The following MCM3 variants were observed in gnomAD, a reference collection of about 807,000 sequenced individuals.
MCM3 encodes the protein DNA replication licensing factor MCM3.
Under a neutral mutation model 91.3 loss-of-function variants are expected in MCM3, and 59 were observed. That is an observed-to-expected ratio of 0.65 (90% confidence interval 0.52 to 0.80). The LOEUF (loss-of-function observed/expected upper bound fraction) is 0.80, where lower values mean the gene tolerates loss of function less well. MCM3 is among the 30% of genes least tolerant of loss of function. The pLI, the probability that MCM3 is intolerant of heterozygous loss-of-function variation, is 0.00. For missense variants in MCM3, 919 were observed against 1,035.4 expected (o/e 0.89, Z 1.54); for synonymous variants, 383 against 379.6 (o/e 1.01, Z -0.10).
At chr6:52,276,827 C>G (rs1344070230) in intron 8 of MCM3, among the ~76,000 whole-genome samples, 1 of 152,220 alleles carries the variant, frequency 6.6e-6, no homozygotes, top group Non-Finnish European at 1.5e-5. Flanking sequence ...ATAGTACAAT[C>G]TTCATTTTTA....
Position 52,273,342 on chromosome 6 carries a change from T to C in MCM3, c.1564A>G (p.Ser522Gly), listed in dbSNP as rs1765289623. 6.2e-7 allele frequency: 1 copy of C among 1,614,188 alleles called. No individual in the cohort carries two copies. ...TCTGTGGCCAGGATATCCACAGCAC[T>C]ACCCAAGGGCATAGCTGGTATACCC... ...EQDGDAMPLG[S>G]AVDILATDDP... Residue 522 changes from serine (S) to glycine (G), a missense_variant, in exon 11 of 17, where the codon AGT becomes GGT. By Grantham distance (56) the Ser-to-Gly change is moderately conservative. Around this residue, in one of 3 missense-constraint regions of MCM3, gnomAD observed 233 missense variants for 321.2 expected, o/e 0.73. Coordinates refer to ENST00000596288, the MANE Select transcript of MCM3 (RefSeq NM_002388.6).
Position 52,276,248 on chromosome 6 carries a change from T to C in MCM3, c.1374+20A>G. 6.3e-7 allele frequency: 1 copy of C among 1,598,002 alleles called. No individual in the cohort carries two copies. On this transcript the variant is annotated intron_variant, in intron 9 of 16. Transcript: ENST00000596288. ...ACCAAATGAAGGTGAGGACAATGGTTGGGGCCTGATTCCACTTACCCTGCC... is the reference window on the plus strand; with the variant it reads ...ACCAAATGAAGGTGAGGACAATGGTCGGGGCCTGATTCCACTTACCCTGCC...
At chr6:52,268,383 G>A (rs1160683071) in intron 13 of MCM3, among the ~76,000 whole-genome samples, 3 of 152,170 alleles carry the variant, frequency 2.0e-5, no homozygotes, top group African/African-American at 7.2e-5. Flanking sequence ...GCGAGGAAGA[G>A]TTTATCAGAC....
intron 2 of MCM3, 42 bp downstream of exon 2, chr6:52,283,252 A>T (rs543581790): frequency 1.5e-5 from 22 of 1,515,412 alleles, no homozygotes; most frequent in Non-Finnish European, 2.0e-5. Flanking sequence ...GAGGGAAGGG[A>T]GCCATTCTCA....
intron 12 of MCM3, among the ~76,000 whole-genome samples, chr6:52,271,959 C>T (rs923131433): frequency 6.6e-6 from 1 of 152,172 alleles, no homozygotes; most frequent in East Asian, 1.9e-4. Flanking sequence ...TGTGCTTCCC[C>T]CGCTCCGGAT....
At position 52,279,623 on chromosome 6, in the gene MCM3, C is replaced by T. The variant is rs201155729; in HGVS notation, c.532-24G>A. The T allele has an allele frequency of 1.7e-3, 2,594 of 1,548,862 alleles. 5 individuals are homozygous for T. Among genetic ancestry groups the T allele is most frequent in the Non-Finnish European group, 2.2e-3 (2,447 of 1,125,256 alleles). ...TCCTAGAAAAAGGCACACAGAGGGACAGAGTGATCTCCGTCCTGTCTTAAA... is the reference window on the plus strand; with the variant it reads ...TCCTAGAAAAAGGCACACAGAGGGATAGAGTGATCTCCGTCCTGTCTTAAA... On this transcript the variant is annotated intron_variant, in intron 4 of 16. Coordinates refer to ENST00000596288, the MANE Select transcript of MCM3 (RefSeq NM_002388.6).
At position 52,272,307 on chromosome 6, in the gene MCM3, G is replaced by T; in HGVS notation, c.1821C>A (p.Thr607=). The change falls in exon 12 of 17, where the codon ACC becomes ACA. Residue 607 remains threonine, a synonymous_variant. Transcript: ENST00000596288. ...GGCTCCCCCAGGCACTCACCCTGGC[G>T]GTGTCTGAGCTCATGCTATCCTGGC... The part of the protein sequence containing the change: ...LRSQDSMSSD[T]ARTSPVTART... 2 of 1,614,022 alleles carry T rather than the reference G, an allele frequency of 1.2e-6. No homozygotes were observed. Among genetic ancestry groups the T allele is most frequent in the Non-Finnish European group, 1.7e-6 (2 of 1,179,964 alleles).
At position 52,281,154 on chromosome 6, in the gene MCM3, A is replaced by G. The variant is rs988185304; in HGVS notation, c.531+891T>C. ...CAGAGGAAAACCTTGCATTGTCCTC[A>G]ATCCAGATCAATCTGAACACCAAGA... On this transcript the variant is annotated intron_variant, in intron 4 of 16. Coordinates refer to ENST00000596288, the MANE Select transcript of MCM3 (RefSeq NM_002388.6). Among the ~76,000 whole-genome samples, 5 of 152,344 alleles carry G rather than the reference A, an allele frequency of 3.3e-5. 1 individual carries two copies. The highest frequency in any genetic ancestry group is 7.3e-5 in the Non-Finnish European group (5 of 68,028).
Position 52,273,227 on chromosome 6 carries a change from C to T in MCM3, c.1676+3G>A. 3 of 1,614,126 alleles carry T rather than the reference C, an allele frequency of 1.9e-6. No homozygotes were observed. The highest frequency in any genetic ancestry group is 2.5e-6 in the Non-Finnish European group (3 of 1,179,990). Reference sequence around the variant, plus strand: ...CTTGAGGAAGAGTTATGAGAATGCTCACTTTTTCTTCTTGGTCCCATGTAG... The same window carrying T: ...CTTGAGGAAGAGTTATGAGAATGCTTACTTTTTCTTCTTGGTCCCATGTAG... On this transcript the variant is annotated splice_donor_region_variant and intron_variant, in intron 11 of 16. Transcript: ENST00000596288.
rs866121209 is a variant in MCM3 at position 52,269,187 on chromosome 6, G to A, written c.1867C>T (p.Arg623Ter). ...GCCTTCGCATGGGCTGTGGCCAGTC[G>A]AATCAGAGTTTCCAGTGTTCGGGCT... ...VTARTLETLI[R>*]LATAHAKARM... The change falls in exon 13 of 17, where the codon CGA becomes TGA. Residue 623 changes from arginine to a stop codon, truncating the protein, a stop_gained. Coordinates refer to ENST00000596288, the MANE Select transcript of MCM3 (RefSeq NM_002388.6). LOFTEE classifies it high-confidence loss of function. 5.6e-6 allele frequency: 9 copies of A among 1,613,360 alleles called. No homozygotes were observed. Among genetic ancestry groups the A allele is most frequent in the South Asian group, 3.3e-5 (3 of 91,014 alleles).
chr6:52,280,926 C>A (rs555322108), intron 4 of MCM3, among the ~76,000 whole-genome samples: 1 of 152,174 alleles, frequency 6.6e-6, no homozygotes, highest in Non-Finnish European at 1.5e-5. Flanking sequence ...GATATTCATT[C>A]GTTTTTGTTT....
chr6:52,276,950 T>TA, intron 8 of MCM3, 117 bp downstream of exon 8: 2 of 1,248,784 alleles, frequency 1.6e-6, no homozygotes, highest in Non-Finnish European at 2.2e-6. Flanking sequence ...CTCAGTCCTC[T>TA]ATAATCTGGA....
chr6:52,273,995 G>T, intron 9 of MCM3, 79 bp from the exon 10 acceptor site: 1 of 1,200,758 alleles, frequency 8.3e-7, no homozygotes. Context: ...AGTTCTGGGA[G>T]TGGGAATGAA....
At chr6:52,266,821 G>A (rs910009719) in intron 14 of MCM3, 125 bp from the exon 15 acceptor site, 37 of 754,518 alleles carry the variant, frequency 4.9e-5, no homozygotes, top group Non-Finnish European at 8.1e-5. Context: ...TGAAGCACTA[G>A]GCTTAGGCCT....
intron 12 of MCM3, among the ~76,000 whole-genome samples, chr6:52,271,795 TC>T (rs879507812): frequency 6.6e-6 from 1 of 152,258 alleles, no homozygotes; most frequent in Non-Finnish European, 1.5e-5. Flanking sequence ...TCTCTGGGAA[TC>T]CTTCCTTGAC....
rs1332259324 is a variant in MCM3 at position 52,266,217 on chromosome 6, A to G, written c.2159-73T>C. 6 of 1,116,508 alleles carry G rather than the reference A, an allele frequency of 5.4e-6. No individual in the cohort carries two copies. The East Asian group carries it at 1.2e-4, about 22-fold the overall frequency. 69.2% of individuals were successfully genotyped at this position (1,116,508 alleles called of 1,614,324 possible). On this transcript the variant is annotated intron_variant, in intron 15 of 16. Coordinates refer to ENST00000596288, the MANE Select transcript of MCM3 (RefSeq NM_002388.6). ...AGCCATTTCCACAAACACTAGAGAAATCATCTCCACTCCCAATCTCTCACT... is the reference window on the plus strand; with the variant it reads ...AGCCATTTCCACAAACACTAGAGAAGTCATCTCCACTCCCAATCTCTCACT...
At chr6:52,276,093 T>C (rs1375284723) in intron 9 of MCM3, 175 bp downstream of exon 9, 1 of 617,690 alleles carries the variant, frequency 1.6e-6, no homozygotes, top group East Asian at 2.8e-5. Context: ...GATTCTGCTG[T>C]GCAGGAATGG....
At chr6:52,271,036 C>A (rs1473221413) in intron 12 of MCM3, among the ~76,000 whole-genome samples, 1 of 152,042 alleles carries the variant, frequency 6.6e-6, no homozygotes, top group African/African-American at 2.4e-5. Flanking sequence ...CACAGTGAAA[C>A]CCCGTCTCTA....
intron 8 of MCM3, among the ~76,000 whole-genome samples, chr6:52,276,813 T>C (rs1177442917): frequency 2.0e-5 from 3 of 152,252 alleles, no homozygotes; most frequent in Admixed American, 2.0e-4. Context: ...CTCTAGTTCA[T>C]AAAATAGTAC....
Sources: allele counts gnomAD v4.1 joint callset (sites outside exome capture counted in the v4.1 genomes callset), GRCh38; gene constraint gnomAD v4.1.1; regional missense constraint gnomAD v4.1.1; transcripts MANE v1.5; gene names NCBI Gene and HGNC (gene_info 2026-07-23, HGNC 2026-07-21).